Variants in CASD1 observed in about 807,000 individuals in gnomAD.
CASD1 encodes N-acetylneuraminate (7)9-O-acetyltransferase.
Under a neutral mutation model 100.0 loss-of-function variants are expected in CASD1, and 41 were observed. That is an observed-to-expected ratio of 0.41 (90% CI 0.32 to 0.53). The LOEUF (loss-of-function observed/expected upper bound fraction) is 0.53, where lower values mean the gene tolerates loss of function less well. CASD1 is among the 20% of genes least tolerant of loss of function. CASD1 has a pLI of 0.25. For synonymous variants in CASD1, 321 were observed against 315.6 expected (o/e 1.02, Z -0.18); for missense variants, 774 against 948.7 (o/e 0.82, Z 2.42).
At chr7:94,587,023 C>G in the CASD1 span, 2 of 983,388 alleles carry the variant, frequency 2.0e-6, no homozygotes, top group Non-Finnish European at 2.4e-6. Context: ...GTAATAGGCT[C>G]TAGTGTTAAC....
chr7:94,520,622 G>T (rs1382226430), intron 3 of CASD1, among the ~76,000 whole-genome samples: 2 of 150,540 alleles, frequency 1.3e-5, no homozygotes, highest in Non-Finnish European at 2.9e-5. Flanking sequence ...ATACTCTGGG[G>T]GCTCCTTCTA....
chr7:94,538,997 G>C lies in CASD1; in HGVS notation c.1297G>C (p.Glu433Gln). ...TKVLNREQTD[E>Q]WKGWMQLVIL... ...AGTATTAAATAGAGAACAAACAGAC[G>C]AATGGAAAGGCTGGATGCAACTTGT... The change falls in exon 10 of 18, where the codon GAA (glutamate) becomes CAA (glutamine). Residue 433 changes from glutamate to glutamine, a missense_variant. This residue lies in a region of CASD1 where 453 missense variants were observed against 532.6 expected (regional missense o/e 0.85). Transcript: ENST00000297273. 1.2e-6 allele frequency: 2 copies of C among 1,608,154 alleles called. No individual in the cohort carries two copies. The highest frequency in any genetic ancestry group is 1.7e-6 in the Non-Finnish European group (2 of 1,175,526).
chr7:94,573,241 G>GT, the CASD1 span, among the ~76,000 whole-genome samples: 1 of 152,104 alleles, frequency 6.6e-6, no homozygotes, highest in Non-Finnish European at 1.5e-5. Flanking sequence ...TTTTAAAATA[G>GT]TTTTTTTTCT....
intron 3 of CASD1, among the ~76,000 whole-genome samples, chr7:94,524,582 G>T (rs889913854): frequency 2.0e-5 from 3 of 152,058 alleles, no homozygotes; most frequent in African/African-American, 7.2e-5. Context: ...AAAATAATTT[G>T]CGTTATCATT....
intron 1 of CASD1, among the ~76,000 whole-genome samples, chr7:94,510,674 G>C (rs1793657706): frequency 6.6e-6 from 1 of 152,236 alleles, no homozygotes; most frequent in African/African-American, 2.4e-5. Flanking sequence ...GCCTCTTAAG[G>C]GTCCGGCTCC....
intron 14 of CASD1, 53 bp downstream of exon 14, chr7:94,549,687 T>C: frequency 7.3e-7 from 1 of 1,378,554 alleles, no homozygotes; most frequent in Non-Finnish European, 1.0e-6. Flanking sequence ...TGTTGGAAAA[T>C]GATTGGAAAT....
the CASD1 span, chr7:94,600,748 T>A: frequency 6.2e-7 from 1 of 1,613,748 alleles, no homozygotes; most frequent in African/African-American, 1.3e-5. Flanking sequence ...CGTGTAATAG[T>A]CTCTGCTTTT....
the CASD1 span, chr7:94,624,944 A>G: frequency 6.6e-6 from 1 of 151,964 alleles, no homozygotes; most frequent in South Asian, 2.1e-4. Flanking sequence ...GAATTTTATT[A>G]CCTGATTTTA....
rs1796217142 is a variant in CASD1 at position 94,556,669 on chromosome 7, G to A, written c.*911G>A. On this transcript the variant is annotated 3_prime_UTR_variant, in exon 18 of 18. Transcript: ENST00000297273. ...TTTAAATATTTATCAGTCTAAACTT[G>A]TGCAGTGTAGTAAACATGCAAGTTG... The A allele has an allele frequency of 1.3e-5, 2 of 151,940 alleles. 1 individual carries two copies. Among genetic ancestry groups the A allele is most frequent in the South Asian group, 4.1e-4 (2 of 4,828 alleles). 9.4% of individuals were successfully genotyped at this position (151,940 alleles called of 1,614,324 possible).
chr7:94,610,332 T>C, the CASD1 span, among the ~76,000 whole-genome samples: 1 of 152,070 alleles, frequency 6.6e-6, no homozygotes, highest in South Asian at 2.1e-4. Context: ...CCGCCAAGAG[T>C]AACACCTAAT....
At chr7:94,541,297 A>G (rs1423193898) in intron 10 of CASD1, among the ~76,000 whole-genome samples, 1 of 151,896 alleles carries the variant, frequency 6.6e-6, no homozygotes, top group Admixed American at 6.6e-5. Context: ...TAATTACTTA[A>G]TATTTTTTAT....
the CASD1 span, among the ~76,000 whole-genome samples, chr7:94,616,193 G>A: frequency 1.4e-4 from 22 of 152,174 alleles, no homozygotes; most frequent in African/African-American, 5.1e-4. Flanking sequence ...ACTTCAGGCA[G>A]TAGAACGGTA....
At chr7:94,606,654 C>T in the CASD1 span, among the ~76,000 whole-genome samples, 1 of 152,172 alleles carries the variant, frequency 6.6e-6, no homozygotes, top group Non-Finnish European at 1.5e-5. Context: ...GAGACTACTT[C>T]ATCCAAAAAT....
chr7:94,554,915 A>G (rs533999720), intron 17 of CASD1, among the ~76,000 whole-genome samples: 2 of 152,042 alleles, frequency 1.3e-5, no homozygotes, highest in Admixed American at 6.6e-5. Context: ...AACTGAGGGG[A>G]TTTTGATTTT....
Position 94,554,500 on chromosome 7 carries a change from A to G in CASD1, c.2052A>G (p.Leu684=). 6.2e-7 allele frequency: 1 copy of G among 1,609,764 alleles called. No individual in the cohort carries two copies. Among genetic ancestry groups the G allele is most frequent in the African/African-American group, 1.3e-5 (1 of 74,882 alleles). ...TTCTTTAGATTTTAGCCTTCATCCT[A>G]ATAAGAAACATCCCTGGATATGCCC... is the stretch of plus-strand genomic sequence containing the variant. The part of the protein sequence containing the change: ...VSVVQILAFI[L]IRNIPGYARS... The change falls in exon 17 of 18, where the codon CTA becomes CTG. Residue 684 remains leucine, a synonymous_variant. Transcript: ENST00000297273.
chr7:94,550,889 TA>T (rs909724402), intron 14 of CASD1, among the ~76,000 whole-genome samples: 1 of 152,176 alleles, frequency 6.6e-6, no homozygotes, highest in African/African-American at 2.4e-5. Flanking sequence ...CGGTCTACCA[TA>T]TTTTTTTCAC....
chr7:94,527,920 A>G (rs984600211), intron 4 of CASD1, among the ~76,000 whole-genome samples: 12 of 152,188 alleles, frequency 7.9e-5, no homozygotes, highest in Non-Finnish European at 1.5e-4. Flanking sequence ...GTCTCTGAAT[A>G]CTTAAGCAGG....
chr7:94,588,777 C>G, the CASD1 span: 7 of 1,610,558 alleles, frequency 4.3e-6, no homozygotes, highest in Non-Finnish European at 5.9e-6. Flanking sequence ...TGTTTACACA[C>G]TTGTAAACAG....
chr7:94,582,947 A>G, the CASD1 span, among the ~76,000 whole-genome samples: 107 of 152,302 alleles, frequency 7.0e-4, 1 homozygote, highest in East Asian at 0.019. Flanking sequence ...GGTGTTTCAT[A>G]GGAAATTCTG....
Sources: gnomAD v4.1 joint callset for allele counts (sites outside exome capture counted in the v4.1 genomes callset) on GRCh38, gnomAD v4.1.1 for gene constraint, gnomAD v4.1.1 regional missense constraint, MANE v1.5 for transcripts, NCBI Gene and HGNC (gene_info 2026-07-23, HGNC 2026-07-21) for gene names.